Variants in ENTREP2 observed in about 807,000 individuals in gnomAD.
The protein encoded by ENTREP2 is endosomal transmembrane epsin interactor 2, also known as protein ENTREP2.
At chr15:29,515,264 A>G in the ENTREP2 span, among the ~76,000 whole-genome samples, 1 of 152,202 alleles carries the variant, frequency 6.6e-6, no homozygotes, top group Non-Finnish European at 1.5e-5. Context: ...CTGGAGGTAG[A>G]TATGAGACCC....
the ENTREP2 span, among the ~76,000 whole-genome samples, chr15:29,618,503 G>A: frequency 6.6e-6 from 1 of 151,968 alleles, no homozygotes; most frequent in Non-Finnish European, 1.5e-5. Context: ...TCCCTCCCGT[G>A]AGCCTCTTGT....
At chr15:29,605,752 G>A in the ENTREP2 span, among the ~76,000 whole-genome samples, 9 of 152,160 alleles carry the variant, frequency 5.9e-5, no homozygotes, top group South Asian at 1.9e-3. Flanking sequence ...TAGGAGAATT[G>A]CTTGAACCTG....
At chr15:29,252,674 G>GT in the ENTREP2 span, among the ~76,000 whole-genome samples, 1 of 152,106 alleles carries the variant, frequency 6.6e-6, no homozygotes, top group Admixed American at 6.5e-5. Context: ...AATAGAAAAA[G>GT]TAAGATCTGT....
the ENTREP2 span, among the ~76,000 whole-genome samples, chr15:29,397,605 A>G: frequency 6.6e-6 from 1 of 152,202 alleles, no homozygotes; most frequent in African/African-American, 2.4e-5. Flanking sequence ...CATGGGCTCT[A>G]TGCAAATAAA....
At chr15:29,558,365 G>A in the ENTREP2 span, among the ~76,000 whole-genome samples, 1 of 151,928 alleles carries the variant, frequency 6.6e-6, no homozygotes, top group Admixed American at 6.5e-5. Flanking sequence ...TAGGATGAGT[G>A]ATGCTACATG....
At chr15:29,234,917 T>C in the ENTREP2 span, 135 of 1,544,210 alleles carry the variant, frequency 8.7e-5, no homozygotes, top group Admixed American at 2.0e-4. Flanking sequence ...AATTACTAAT[T>C]TGGTGTCATC....
chr15:29,149,253 C>A, the ENTREP2 span, among the ~76,000 whole-genome samples: 1 of 152,166 alleles, frequency 6.6e-6, no homozygotes. Flanking sequence ...TTCAGCAGCA[C>A]CCCCTTTCAC....
At chr15:29,302,630 T>C in the ENTREP2 span, among the ~76,000 whole-genome samples, 1 of 152,024 alleles carries the variant, frequency 6.6e-6, no homozygotes, top group African/African-American at 2.4e-5. Flanking sequence ...TTGCCAAAAA[T>C]AATTACATCC....
At chr15:29,416,777 C>A in the ENTREP2 span, among the ~76,000 whole-genome samples, 1 of 152,192 alleles carries the variant, frequency 6.6e-6, no homozygotes, top group Non-Finnish European at 1.5e-5. Flanking sequence ...CCAGAATCTA[C>A]AATGAACTCC....
the ENTREP2 span, among the ~76,000 whole-genome samples, chr15:29,656,141 AAAG>A: frequency 2.0e-5 from 3 of 152,124 alleles, no homozygotes; most frequent in Non-Finnish European, 2.9e-5. Context: ...TTACAAAAAT[AAAG>A]AATAAAGAAT....
the ENTREP2 span, among the ~76,000 whole-genome samples, chr15:29,225,581 C>T: frequency 1.5e-3 from 228 of 152,212 alleles, no homozygotes; most frequent in Non-Finnish European, 2.3e-3. Context: ...TCACCAAGTG[C>T]CCCAGTCATG....
chr15:29,630,162 C>G, the ENTREP2 span, among the ~76,000 whole-genome samples: 1 of 152,104 alleles, frequency 6.6e-6, no homozygotes, highest in African/African-American at 2.4e-5. Context: ...AAGAGTAAAT[C>G]TGATGGCAAC....
At chr15:29,196,582 G>A in the ENTREP2 span, 1 of 1,541,064 alleles carries the variant, frequency 6.5e-7, no homozygotes, top group Admixed American at 2.0e-5. Context: ...GAGGAACACA[G>A]ACAGACCTCA....
chr15:29,170,401 T>C, the ENTREP2 span, among the ~76,000 whole-genome samples: 1 of 148,212 alleles, frequency 6.7e-6, no homozygotes, highest in Non-Finnish European at 1.5e-5. Flanking sequence ...CGATTTACAA[T>C]AGCAAAAAAT....
At chr15:29,242,859 T>C in the ENTREP2 span, among the ~76,000 whole-genome samples, 1 of 152,200 alleles carries the variant, frequency 6.6e-6, no homozygotes, top group Non-Finnish European at 1.5e-5. Context: ...CTCTGGAATC[T>C]AGAGGTCCAG....
At chr15:29,124,208 C>T in the ENTREP2 span, among the ~76,000 whole-genome samples, 1 of 152,198 alleles carries the variant, frequency 6.6e-6, no homozygotes, top group Non-Finnish European at 1.5e-5. Flanking sequence ...TCTGCATGAC[C>T]CACAGGCTGG....
the ENTREP2 span, among the ~76,000 whole-genome samples, chr15:29,468,988 A>C: frequency 6.6e-6 from 1 of 152,144 alleles, no homozygotes. Flanking sequence ...CATGCAGCCA[A>C]ATGCAGTGGC....
the ENTREP2 span, among the ~76,000 whole-genome samples, chr15:29,385,427 C>G: frequency 1.3e-5 from 2 of 152,150 alleles, no homozygotes; most frequent in Non-Finnish European, 2.9e-5. Flanking sequence ...TTCCAAGTAT[C>G]ATTAATAACT....
chr15:29,493,488 C>A, the ENTREP2 span, among the ~76,000 whole-genome samples: 1 of 152,090 alleles, frequency 6.6e-6, no homozygotes, highest in Non-Finnish European at 1.5e-5. Context: ...GCAAACAGCA[C>A]GCTTAATGCT....
Sources: allele counts gnomAD v4.1 joint callset (sites outside exome capture counted in the v4.1 genomes callset), GRCh38; gene constraint gnomAD v4.1.1; transcripts MANE v1.5; gene names NCBI Gene and HGNC (gene_info 2026-07-23, HGNC 2026-07-21).